The following RBFOX1 variants were observed in gnomAD, a reference collection of about 807,000 sequenced individuals.
RBFOX1 encodes RNA binding protein fox-1 homolog 1.
RBFOX1 carries 8 observed loss-of-function variants against 57.7 expected under a neutral mutation model. The ratio of observed to expected loss-of-function variants is 0.14; its 90% CI spans 0.08 to 0.25. RBFOX1 has a LOEUF of 0.25. Among genes scored for constraint, RBFOX1 ranks in the 10% least tolerant of loss-of-function variants. The probability of loss-of-function intolerance (pLI) is 1.00; values close to 1 mark genes in which losing one functional copy is unlikely to be tolerated. For missense variants in RBFOX1, 611 were observed against 548.5 expected, an observed-to-expected ratio of 1.11 and a Z score of -1.14; for synonymous variants, 326 against 222.4, an observed-to-expected ratio of 1.47 and a Z score of -4.15.
In RBFOX1 at chr16:7,186,247, C is replaced by T. The variant is rs12447066; in HGVS notation, c.27+134149C>T. Among the ~76,000 whole-genome samples, 519 of 61,204 alleles carry T rather than the reference C, an allele frequency of 8.5e-3. 23 individuals carry two copies. The highest frequency in any genetic ancestry group is 0.048 in the African/African-American group (463 of 9,634). The allele number at this position is 61,204 out of a possible 152,430, so 40.2% of individuals were successfully genotyped here. On this transcript the variant is annotated intron_variant, in intron 4 of 15. Coordinates refer to ENST00000550418, the MANE Select transcript of RBFOX1 (RefSeq NM_018723.4). ...ATAAACATAAACATATTTATATAAA[C>T]ATAAACATATTTATATAAACATAAA...
intron 2 of RBFOX1, among the ~76,000 whole-genome samples, chr16:6,506,339 C>G (rs548870368): frequency 4.6e-5 from 7 of 152,104 alleles, no homozygotes; most frequent in Admixed American, 1.3e-4. Flanking sequence ...GAGCCAGACA[C>G]TCAGATCTAT....
chr16:5,492,257 G>A (rs2042860071), intron 2 of RBFOX1, among the ~76,000 whole-genome samples: 1 of 152,186 alleles, frequency 6.6e-6, no homozygotes, highest in Non-Finnish European at 1.5e-5. Context: ...GAAACCCACA[G>A]GTCACAGGTA....
chr16:6,975,239 T>C (rs891489246), intron 3 of RBFOX1, among the ~76,000 whole-genome samples: 13 of 149,772 alleles, frequency 8.7e-5, no homozygotes, highest in African/African-American at 3.2e-4. Context: ...ACCACAATAC[T>C]CAACCAAGAA....
chr16:6,657,453 C>G (rs961092257), intron 3 of RBFOX1, among the ~76,000 whole-genome samples: 1 of 152,010 alleles, frequency 6.6e-6, no homozygotes, highest in Non-Finnish European at 1.5e-5. Context: ...ATCCCCCTCC[C>G]TCTCTGCTTG....
chr16:7,464,755 C>G (rs1447669123), intron 4 of RBFOX1, among the ~76,000 whole-genome samples: 3 of 137,776 alleles, frequency 2.2e-5, no homozygotes, highest in East Asian at 2.1e-4. Context: ...GGAGTGCAGT[C>G]GCGTGATCTC....
chr16:7,479,232 T>C (rs961397330), intron 4 of RBFOX1, among the ~76,000 whole-genome samples: 2 of 151,664 alleles, frequency 1.3e-5, no homozygotes, highest in East Asian at 3.9e-4. Flanking sequence ...GAGGCAACTC[T>C]CCTGCCTCAG....
intron 3 of RBFOX1, among the ~76,000 whole-genome samples, chr16:5,698,227 A>G (rs1482669819): frequency 6.6e-6 from 1 of 152,034 alleles, no homozygotes; most frequent in Admixed American, 6.6e-5. Context: ...TGATTTTGTT[A>G]CTAAGGTAAT....
intron 2 of RBFOX1, among the ~76,000 whole-genome samples, chr16:5,490,313 G>T (rs71390664): frequency 1.8e-4 from 28 of 152,190 alleles, no homozygotes; most frequent in Non-Finnish European, 1.5e-5. Flanking sequence ...GCAACCCCAC[G>T]ATGTGGGTGG....
chr16:6,860,276 A>G (rs2058758329), intron 3 of RBFOX1, among the ~76,000 whole-genome samples: 2 of 152,182 alleles, frequency 1.3e-5, no homozygotes, highest in Admixed American at 6.5e-5. Context: ...GTGGAAATAC[A>G]TTATTTAATG....
intron 4 of RBFOX1, among the ~76,000 whole-genome samples, chr16:7,144,072 G>A (rs570127416): frequency 6.6e-6 from 1 of 152,254 alleles, no homozygotes; most frequent in South Asian, 2.1e-4. Flanking sequence ...TGTGTCTGTA[G>A]GCTTTTTCCC....
chr16:6,950,645 C>A (rs1236441727), intron 3 of RBFOX1, among the ~76,000 whole-genome samples: 1 of 152,030 alleles, frequency 6.6e-6, no homozygotes, highest in African/African-American at 2.4e-5. Context: ...CTCTAAATCT[C>A]TCTCAAGGAT....
At chr16:6,742,707 C>T (rs1266405362) in intron 3 of RBFOX1, among the ~76,000 whole-genome samples, 1 of 152,024 alleles carries the variant, frequency 6.6e-6, no homozygotes, top group Non-Finnish European at 1.5e-5. Flanking sequence ...CTCAAGGGCA[C>T]AATGTTGAAT....
intron 1 of RBFOX1, among the ~76,000 whole-genome samples, chr16:6,060,383 G>A (rs753692689): frequency 6.6e-6 from 1 of 152,008 alleles, no homozygotes; most frequent in East Asian, 1.9e-4. Flanking sequence ...AACACTTACA[G>A]CAATGCCTAG....
At chr16:6,912,911 A>T (rs141613957) in intron 3 of RBFOX1, among the ~76,000 whole-genome samples, 1 of 151,982 alleles carries the variant, frequency 6.6e-6, no homozygotes, top group Non-Finnish European at 1.5e-5. Context: ...TGAGCCACCA[A>T]GCCCAGCCTA....
chr16:5,642,332 GAAAGCAAT>G (rs2048907726), intron 3 of RBFOX1, among the ~76,000 whole-genome samples: 1 of 152,182 alleles, frequency 6.6e-6, no homozygotes, highest in South Asian at 2.1e-4. Flanking sequence ...CGAAATACAT[GAAAGCAAT>G]CCATGCGAGA....
At chr16:7,515,170 G>A (rs2076084885) in intron 4 of RBFOX1, among the ~76,000 whole-genome samples, 1 of 151,978 alleles carries the variant, frequency 6.6e-6, no homozygotes. Flanking sequence ...TAGAGAAGTG[G>A]CATCGCTATG....
chr16:6,124,347 G>C (rs2096573294), intron 1 of RBFOX1, among the ~76,000 whole-genome samples: 1 of 152,118 alleles, frequency 6.6e-6, no homozygotes, highest in Admixed American at 6.5e-5. Flanking sequence ...CTCTGTCTCA[G>C]AGCTGACCCT....
At chr16:5,548,174 A>AATATATATATATATATATATATATATAT (rs71142629) in intron 2 of RBFOX1, among the ~76,000 whole-genome samples, 5 of 33,568 alleles carry the variant, frequency 1.5e-4, no homozygotes, top group Admixed American at 5.0e-4. Flanking sequence ...AAAAAAAAAA[A>AATATATATATATATATATATATATATAT]ATATATATAT....
chr16:7,421,700 C>G (rs1176934720), intron 4 of RBFOX1, among the ~76,000 whole-genome samples: 1 of 152,242 alleles, frequency 6.6e-6, no homozygotes. Flanking sequence ...TGGCCTTTGC[C>G]AAAGGGCAGT....
Sources: gnomAD v4.1 joint callset for allele counts (sites outside exome capture counted in the v4.1 genomes callset) on GRCh38, gnomAD v4.1.1 for gene constraint, MANE v1.5 for transcripts, NCBI Gene and HGNC (gene_info 2026-07-23, HGNC 2026-07-21) for gene names.